RABGEF1: variants seen among roughly 807,000 people sequenced by gnomAD.
RABGEF1 encodes rab5 GDP/GTP exchange factor.
Under a neutral mutation model 57.3 loss-of-function variants are expected in RABGEF1, and 26 were observed. The ratio of observed to expected loss-of-function variants is 0.45; its 90% CI spans 0.33 to 0.63. The LOEUF (loss-of-function observed/expected upper bound fraction) is 0.63. RABGEF1 is among the 20% of genes least tolerant of loss of function. The probability of loss-of-function intolerance (pLI) is 0.02; values close to 1 mark genes in which losing one functional copy is unlikely to be tolerated. For missense variants in RABGEF1, 464 were observed against 607.6 expected, an observed-to-expected ratio of 0.76 and a Z score of 2.48; for synonymous variants, 185 against 210.7, an observed-to-expected ratio of 0.88 and a Z score of 1.06.
At chr7:66,741,653 C>T (rs370432186) in intron 1 of RABGEF1, among the ~76,000 whole-genome samples, 22 of 152,250 alleles carry the variant, frequency 1.4e-4, no homozygotes, top group Admixed American at 5.2e-4. Flanking sequence ...GGTTTTTGGC[C>T]TGGAGAGCTG....
intron 1 of RABGEF1, among the ~76,000 whole-genome samples, chr7:66,757,316 G>T (rs1378418913): frequency 2.0e-5 from 3 of 152,118 alleles, no homozygotes; most frequent in Admixed American, 2.0e-4. Context: ...CAGATTTCAT[G>T]TACCTATCTA....
chr7:66,693,107 G>A (rs531151228), intron 1 of RABGEF1, among the ~76,000 whole-genome samples: 1 of 152,250 alleles, frequency 6.6e-6, no homozygotes, highest in South Asian at 2.1e-4. Context: ...AGCCCTGAGC[G>A]GGCTTCTTCA....
the RABGEF1 span, among the ~76,000 whole-genome samples, chr7:66,655,882 C>T: frequency 5.3e-5 from 8 of 152,100 alleles, no homozygotes; most frequent in African/African-American, 1.9e-4. Flanking sequence ...AGAAGTTAGC[C>T]AGTTGAGGAG....
chr7:66,707,127 T>A (rs1344858417), intron 1 of RABGEF1, among the ~76,000 whole-genome samples: 1 of 152,242 alleles, frequency 6.6e-6, no homozygotes, highest in Admixed American at 6.5e-5. Flanking sequence ...TTTCCACTTA[T>A]TTGTGAGTTT....
chr7:66,695,886 C>A (rs1792248747), intron 1 of RABGEF1, among the ~76,000 whole-genome samples: 1 of 151,650 alleles, frequency 6.6e-6, no homozygotes, highest in Admixed American at 6.6e-5. Context: ...GTATCACTTA[C>A]ATCTGGGAGT....
intron 2 of RABGEF1, among the ~76,000 whole-genome samples, chr7:66,716,853 A>G (rs1795462446): frequency 6.6e-6 from 1 of 152,172 alleles, no homozygotes; most frequent in East Asian, 1.9e-4. Context: ...ATCTCGGTTC[A>G]CCACAAGCTC....
intron 8 of RABGEF1, among the ~76,000 whole-genome samples, chr7:66,807,349 A>G (rs1175136509): frequency 6.6e-6 from 1 of 152,204 alleles, no homozygotes; most frequent in Non-Finnish European, 1.5e-5. Context: ...TTCGCTTCTC[A>G]TAGCACTCTC....
chr7:66,669,572 AAAT>A, the RABGEF1 span, among the ~76,000 whole-genome samples: 2 of 152,168 alleles, frequency 1.3e-5, no homozygotes, highest in Non-Finnish European at 2.9e-5. Flanking sequence ...AGGCAATACT[AAAT>A]AATAATAAAA....
chr7:66,705,443 A>AAGACAGAG (rs540794271), intron 1 of RABGEF1, among the ~76,000 whole-genome samples: 5,227 of 66,450 alleles, frequency 0.079, 758 homozygotes, highest in East Asian at 0.18. Context: ...TCTCGAAAGA[A>AAGACAGAG]AGAGAGAGAG....
chr7:66,771,462 A>ATAAT (rs1346050799), intron 1 of RABGEF1, among the ~76,000 whole-genome samples: 67 of 152,244 alleles, frequency 4.4e-4, no homozygotes, highest in Non-Finnish European at 9.1e-4. Context: ...AAAGTTTGAT[A>ATAAT]TAATGTATTT....
chr7:66,795,448 A>C (rs1350788199), intron 4 of RABGEF1, 63 bp from the exon 5 acceptor site: 12 of 1,389,138 alleles, frequency 8.6e-6, no homozygotes, highest in African/African-American at 2.8e-5. Flanking sequence ...AGTTCTTAGA[A>C]TGTAGAGCTG....
chr7:66,680,646 G>A (rs1789643534), upstream of RABGEF1, among the ~76,000 whole-genome samples: 2 of 151,890 alleles, frequency 1.3e-5, no homozygotes, highest in East Asian at 1.9e-4. Context: ...TACCAATAAT[G>A]AGCAAGAACA....
intron 1 of RABGEF1, among the ~76,000 whole-genome samples, chr7:66,683,844 G>C (rs1790170379): frequency 6.6e-6 from 1 of 152,080 alleles, no homozygotes; most frequent in Admixed American, 6.6e-5. Context: ...GGGCTCAAGT[G>C]AACCTCCCAC....
chr7:66,730,474 G>A (rs928172336), intron 2 of RABGEF1, among the ~76,000 whole-genome samples: 5 of 151,976 alleles, frequency 3.3e-5, no homozygotes, highest in Admixed American at 6.6e-5. Flanking sequence ...TCACTGCAGC[G>A]TCAACCTCCT....
intron 2 of RABGEF1, among the ~76,000 whole-genome samples, chr7:66,774,784 A>G (rs140937254): frequency 6.6e-6 from 1 of 152,168 alleles, no homozygotes; most frequent in African/African-American, 2.4e-5. Flanking sequence ...AAAGGATCCT[A>G]TTTATCCTTT....
chr7:66,745,024 C>G (rs1462823019), intron 1 of RABGEF1, among the ~76,000 whole-genome samples: 2 of 151,948 alleles, frequency 1.3e-5, no homozygotes, highest in Non-Finnish European at 2.9e-5. Flanking sequence ...AACCCCATCT[C>G]TAATAAAAAT....
At chr7:66,684,044 T>C (rs539591371) in intron 1 of RABGEF1, among the ~76,000 whole-genome samples, 1 of 151,904 alleles carries the variant, frequency 6.6e-6, no homozygotes, top group South Asian at 2.1e-4. Context: ...GCCTGGAGGG[T>C]GGTTATTAAA....
At chr7:66,659,644 G>C in the RABGEF1 span, among the ~76,000 whole-genome samples, 3 of 151,710 alleles carry the variant, frequency 2.0e-5, no homozygotes, top group African/African-American at 7.3e-5. Flanking sequence ...GCTGGTTGTG[G>C]TGTTACCCTC....
intron 2 of RABGEF1, among the ~76,000 whole-genome samples, chr7:66,726,503 A>G (rs568549550): frequency 1.3e-5 from 2 of 152,152 alleles, no homozygotes; most frequent in East Asian, 3.9e-4. Flanking sequence ...AGCTGAGACT[A>G]CAGGTATGCA....
Sources: allele counts gnomAD v4.1 joint callset (sites outside exome capture counted in the v4.1 genomes callset), GRCh38; gene constraint gnomAD v4.1.1; transcripts MANE v1.5; gene names NCBI Gene and HGNC (gene_info 2026-07-23, HGNC 2026-07-21).